Variants in SMG7 observed in about 807,000 individuals in gnomAD.
SMG7 encodes SMG7 nonsense mediated mRNA decay factor.
A neutral mutation model predicts 148.2 loss-of-function variants in SMG7; 34 were observed. The ratio of observed to expected loss-of-function variants is 0.23; its 90% CI spans 0.17 to 0.31. The LOEUF (loss-of-function observed/expected upper bound fraction) is 0.31, where lower values mean the gene tolerates loss of function less well. Among genes scored for constraint, SMG7 ranks in the 10% least tolerant of loss-of-function variants. The pLI is 1.00. For synonymous variants in SMG7, 492 were observed against 515.1 expected, an observed-to-expected ratio of 0.96 and a Z score of 0.61; for missense variants, 1,114 against 1,408.4, an observed-to-expected ratio of 0.79 and a Z score of 3.35.
intron 1 of SMG7, among the ~76,000 whole-genome samples, chr1:183,498,299 G>A (rs763112770): frequency 1.2e-4 from 18 of 152,110 alleles, no homozygotes; most frequent in Non-Finnish European, 2.1e-4. Flanking sequence ...GGGAGGCCGA[G>A]GCGGGAAGAT....
chr1:183,473,831 G>C, intron 1 of SMG7: 7 of 985,410 alleles, frequency 7.1e-6, no homozygotes, highest in Non-Finnish European at 8.4e-6. Context: ...GAGTGGAAAA[G>C]TCACTTTAGC....
intron 14 of SMG7, among the ~76,000 whole-genome samples, chr1:183,543,971 A>C (rs1459136714): frequency 6.6e-6 from 1 of 152,162 alleles, no homozygotes; most frequent in African/African-American, 2.4e-5. Flanking sequence ...TAATTCATGT[A>C]TGTCGTTTAA....
chr1:183,536,058 G>T (rs1667725687), intron 10 of SMG7, among the ~76,000 whole-genome samples: 1 of 152,050 alleles, frequency 6.6e-6, no homozygotes, highest in African/African-American at 2.4e-5. Context: ...ATTTTCCGTA[G>T]TGTGATTATT....
In SMG7 at chr1:183,517,802, T is replaced by C. The variant is rs1571949530; in HGVS notation, c.294T>C (p.Ala98=). 1.9e-6 allele frequency: 3 copies of C among 1,614,184 alleles called. No homozygotes were observed. Among genetic ancestry groups the C allele is most frequent in the Non-Finnish European group, 2.5e-6 (3 of 1,179,986 alleles). Residue 98 remains alanine, a synonymous_variant, in exon 4 of 23, where the codon GCT becomes GCC. Transcript: ENST00000688051. ...QANLSLFLEA[A]SGFYTQLLQE... ...ACCTTTCTCTGTTCCTAGAGGCAGC[T>C]AGTGGCTTCTATACTCAGGTGAGTT... is the stretch of plus-strand genomic sequence containing the variant.
At chr1:183,497,230 G>C (rs1226470515) in intron 1 of SMG7, among the ~76,000 whole-genome samples, 1 of 152,184 alleles carries the variant, frequency 6.6e-6, no homozygotes, top group African/African-American at 2.4e-5. Context: ...GCATAGTCCA[G>C]AACAACTTCG....
chr1:183,504,914 T>C (rs1447742347), intron 1 of SMG7, among the ~76,000 whole-genome samples: 1 of 152,152 alleles, frequency 6.6e-6, no homozygotes, highest in African/African-American at 2.4e-5. Flanking sequence ...TTATTCTGAC[T>C]CTTTTTCAAG....
At chr1:183,551,767 C>T in intron 22 of SMG7, 51 bp from the exon 23 acceptor site, 2 of 1,417,278 alleles carry the variant, frequency 1.4e-6, no homozygotes, top group Non-Finnish European at 1.9e-6. Context: ...AAATCCCTTT[C>T]AGACAACTTG....
At chr1:183,543,728 A>G (rs188450563) in intron 14 of SMG7, among the ~76,000 whole-genome samples, 141 of 152,282 alleles carry the variant, frequency 9.3e-4, no homozygotes, top group Non-Finnish European at 1.6e-3. Context: ...AATGCTACTC[A>G]TGTTCCCTCA....
At chr1:183,501,395 T>G (rs1659675650) in intron 1 of SMG7, 1 of 152,220 alleles carries the variant, frequency 6.6e-6, no homozygotes, top group Admixed American at 6.5e-5. Context: ...ATATAAGACA[T>G]TCTTACTATA....
intron 1 of SMG7, among the ~76,000 whole-genome samples, chr1:183,499,371 A>G (rs1258023498): frequency 6.6e-6 from 1 of 152,178 alleles, no homozygotes; most frequent in Admixed American, 6.5e-5. Context: ...ACAGCAGTGA[A>G]TGAGAGTTCC....
In SMG7 at chr1:183,513,088, A is replaced by T. The variant is rs181098467; in HGVS notation, c.61+220A>T. 46 of 444,564 alleles carry T rather than the reference A, an allele frequency of 1.0e-4. 8 individuals carry two copies. Among genetic ancestry groups the T allele is most frequent in the Admixed American group, 2.9e-4 (7 of 23,856 alleles). The allele number at this position is 444,564 out of a possible 1,614,324, so 27.5% of individuals were successfully genotyped here. A position where few individuals can be genotyped will look rare whatever the true frequency, so the allele number is the denominator to read the frequency against. On this transcript the variant is annotated intron_variant, in intron 2 of 22. Coordinates refer to ENST00000688051, the MANE Select transcript of SMG7 (RefSeq NM_001375584.1). ...TGTAATACTAATATATGGTATACTG[A>T]ATTGAATGTTACCTAATTTAGTTTA...
intron 1 of SMG7, among the ~76,000 whole-genome samples, chr1:183,486,258 T>A (rs1189538797): frequency 6.6e-6 from 1 of 152,238 alleles, no homozygotes; most frequent in Admixed American, 6.5e-5. Context: ...TGCAAACATT[T>A]TGAATTACGT....
chr1:183,508,748 A>G (rs942064841), intron 1 of SMG7, among the ~76,000 whole-genome samples: 7 of 152,204 alleles, frequency 4.6e-5, no homozygotes, highest in African/African-American at 1.7e-4. Context: ...AGTGGATAAT[A>G]GTATATAAGC....
chr1:183,547,112 A>T lies in SMG7; in HGVS notation c.2752A>T (p.Ser918Cys). Reference protein sequence around the residue: ...VPRMPFEDPKSSPLLPPDLLK... With the variant: ...VPRMPFEDPKCSPLLPPDLLK... ...TGCTTTCTGTCACTAGGACCCCAAGAGCTCCCCTCTGCTTCCTCCGGACCT... is the reference window on the plus strand; with the variant it reads ...TGCTTTCTGTCACTAGGACCCCAAGTGCTCCCCTCTGCTTCCTCCGGACCT... The change falls in exon 18 of 23, where the codon AGC becomes TGC. Residue 918 changes from serine (S) to cysteine (C), a missense_variant. Ser to Cys is a moderately radical substitution (Grantham distance 112, BLOSUM62 -1). This residue lies in a region of SMG7 where 788 missense variants were observed against 894.5 expected (regional missense o/e 0.88). Coordinates refer to ENST00000688051, the MANE Select transcript of SMG7 (RefSeq NM_001375584.1). 1 of 1,549,744 alleles carries T rather than the reference A, an allele frequency of 6.5e-7. No homozygotes were observed. Among genetic ancestry groups the T allele is most frequent in the South Asian group, 1.2e-5 (1 of 83,942 alleles).
chr1:183,535,635 A>C (rs12067492), intron 10 of SMG7, among the ~76,000 whole-genome samples: 5 of 152,162 alleles, frequency 3.3e-5, no homozygotes, highest in African/African-American at 1.2e-4. Flanking sequence ...TCAGTTTCTT[A>C]TATCTGGGCC....
intron 20 of SMG7, 27 bp from the exon 21 acceptor site, chr1:183,550,724 A>G (rs753784616): frequency 8.7e-6 from 14 of 1,608,708 alleles, no homozygotes; most frequent in East Asian, 2.2e-5. Flanking sequence ...ATGATTTACT[A>G]TATCCTGTGT....
At position 183,542,927 on chromosome 1, in the gene SMG7, A is replaced by ATG. The variant is rs3979479; in HGVS notation, c.1842+467_1842+468dup. 5.8e-3 allele frequency among the ~76,000 whole-genome samples: 497 copies of ATG among 85,128 alleles called. 2 individuals are homozygous for ATG. Among genetic ancestry groups the ATG allele is most frequent in the African/African-American group, 0.012 (322 of 26,746 alleles). The allele number at this position is 85,128 out of a possible 152,430, so 55.8% of individuals were successfully genotyped here. A position where few individuals can be genotyped will look rare whatever the true frequency, so the allele number is the denominator to read the frequency against. ...TTTAGATTCACTATAATATATATAT[A>ATG]TGTGTGTGTGTGTGTGTGTGTGTGT... On this transcript the variant is annotated intron_variant, in intron 14 of 22. Transcript: ENST00000688051.
intron 1 of SMG7, among the ~76,000 whole-genome samples, chr1:183,511,473 T>C (rs1177632256): frequency 6.6e-6 from 1 of 152,134 alleles, no homozygotes; most frequent in African/African-American, 2.4e-5. Context: ...CAGAGTCTTT[T>C]ATAAAGACCC....
At chr1:183,529,567 T>C in intron 8 of SMG7, 34 bp downstream of exon 8, 1 of 1,583,416 alleles carries the variant, frequency 6.3e-7, no homozygotes. Context: ...TTTTGTCTTG[T>C]CTAAATCAGG....
Sources: allele counts gnomAD v4.1 joint callset (sites outside exome capture counted in the v4.1 genomes callset), GRCh38; gene constraint gnomAD v4.1.1; regional missense constraint gnomAD v4.1.1; transcripts MANE v1.5; gene names NCBI Gene and HGNC (gene_info 2026-07-23, HGNC 2026-07-21).